ADGRD1: variants seen among roughly 807,000 people sequenced by gnomAD.
ADGRD1 encodes G-protein coupled receptor 133.
In ADGRD1, 77 loss-of-function variants were observed where a neutral mutation model predicts 113.4. The observed-to-expected ratio is 0.68, with a 90% CI of 0.57 to 0.82. The LOEUF (loss-of-function observed/expected upper bound fraction) is 0.82. Among genes scored for constraint, ADGRD1 ranks in the 40% least tolerant of loss-of-function variants. The probability of loss-of-function intolerance (pLI) is 0.00; values close to 1 mark genes in which losing one functional copy is unlikely to be tolerated. For missense variants in ADGRD1, 1,036 were observed against 1,139.1 expected (o/e 0.91, Z 1.30); for synonymous variants, 474 against 475.0 (o/e 1.00, Z 0.03).
Position 130,954,720 on chromosome 12 carries a change from C to A in ADGRD1, c.103+60C>A. 2 of 1,494,084 alleles carry A rather than the reference C, an allele frequency of 1.3e-6. No individual in the cohort carries two copies. The highest frequency in any genetic ancestry group is 1.9e-6 in the Non-Finnish European group (2 of 1,072,212). The allele number at this position is 1,494,084 out of a possible 1,614,324, so 92.6% of individuals were successfully genotyped here. On this transcript the variant is annotated intron_variant, in intron 2 of 24. Transcript: ENST00000261654. The surrounding 1 kb of genome is among the most constrained non-coding windows in gnomAD (Gnocchi z 4.7). ...CTCCCCCTGCCTAGTGCAGGTATCT[C>A]AGGAACAGCCCACTTGTTCATCTCT...
chr12:131,136,730 G>T (rs1205474142), intron 22 of ADGRD1, among the ~76,000 whole-genome samples: 1 of 152,246 alleles, frequency 6.6e-6, no homozygotes, highest in African/African-American at 2.4e-5. Flanking sequence ...GAACCCACCT[G>T]CTGCCGCACC....
chr12:131,109,010 G>A lies in ADGRD1; in HGVS notation c.2041+133G>A, dbSNP rs1950295058. On this transcript the variant is annotated intron_variant, in intron 18 of 24. Coordinates refer to ENST00000261654, the MANE Select transcript of ADGRD1 (RefSeq NM_198827.5). Reference sequence around the variant, plus strand: ...GGGCAGGTGGGGATGGGGGGAGGTGGGAATGGGGTTTGATCGGATGGGACA... The same window carrying A: ...GGGCAGGTGGGGATGGGGGGAGGTGAGAATGGGGTTTGATCGGATGGGACA... 6.7e-6 allele frequency: 3 copies of A among 446,402 alleles called. 1 individual carries two copies. The highest frequency in any genetic ancestry group is 2.0e-5 in the African/African-American group (1 of 50,022). 27.7% of individuals were successfully genotyped at this position (446,402 alleles called of 1,614,324 possible).
chr12:131,111,161 C>T (rs1386493783), intron 18 of ADGRD1, among the ~76,000 whole-genome samples: 7 of 151,986 alleles, frequency 4.6e-5, no homozygotes, highest in African/African-American at 1.2e-4. Context: ...GGCACCATCT[C>T]GGCTCACTGC....
chr12:131,127,019 G>A (rs1032107601), intron 20 of ADGRD1, among the ~76,000 whole-genome samples: 1 of 150,676 alleles, frequency 6.6e-6, no homozygotes, highest in Non-Finnish European at 1.5e-5. Flanking sequence ...GGAGGCCATG[G>A]TGAGCCGCTC....
In ADGRD1 at chr12:131,137,809, AGCCC is replaced by A. The variant is rs913837997; in HGVS notation, c.2437-319_2437-316del. The A allele has an allele frequency of 7.1e-5, 13 of 183,102 alleles. 1 individual carries two copies. In the South Asian group the frequency reaches 7.2e-4, roughly 10 times the overall value. 11.3% of individuals were successfully genotyped at this position (183,102 alleles called of 1,614,324 possible). ...GGCAGGAAGGCAGTGCAGCCATGGAAGCCCGCCCGCCCACCCGCCTGCCTGCCCA... is the reference window on the plus strand; with the variant it reads ...GGCAGGAAGGCAGTGCAGCCATGGAAGCCCGCCCACCCGCCTGCCTGCCCA... On this transcript the variant is annotated intron_variant, in intron 23 of 24. Coordinates refer to ENST00000261654, the MANE Select transcript of ADGRD1 (RefSeq NM_198827.5).
intron 8 of ADGRD1, among the ~76,000 whole-genome samples, chr12:130,999,970 AG>A (rs1399740164): frequency 6.6e-6 from 1 of 152,216 alleles, no homozygotes; most frequent in Non-Finnish European, 1.5e-5. Context: ...GGTCATTTTC[AG>A]TGAACACGAG....
chr12:131,040,453 G>A (rs575008569), intron 13 of ADGRD1, among the ~76,000 whole-genome samples: 1 of 152,274 alleles, frequency 6.6e-6, no homozygotes, highest in South Asian at 2.1e-4. Flanking sequence ...TCATGTGTTT[G>A]GTACACCCTT....
intron 20 of ADGRD1, 144 bp downstream of exon 20, chr12:131,121,057 C>T (rs923498998): frequency 5.7e-6 from 4 of 699,090 alleles, no homozygotes; most frequent in Admixed American, 5.5e-5. Context: ...CGCTAGGGCT[C>T]CTCTGGGCCA....
Position 131,041,408 on chromosome 12 carries a change from G to A in ADGRD1, c.1473+27068G>A, listed in dbSNP as rs1011566270. ...CTTTCCCTGTCCAGTGGAAAGCCTCGATGGGGAGCTGACCCAGCCACCTGA... is the reference window on the plus strand; with the variant it reads ...CTTTCCCTGTCCAGTGGAAAGCCTCAATGGGGAGCTGACCCAGCCACCTGA... On this transcript the variant is annotated intron_variant, in intron 13 of 24. Coordinates refer to ENST00000261654, the MANE Select transcript of ADGRD1 (RefSeq NM_198827.5). The surrounding 1 kb of genome is among the most constrained non-coding windows in gnomAD (Gnocchi z 4.4). Among the ~76,000 whole-genome samples the A allele has an allele frequency of 2.6e-5, 4 of 152,160 alleles. No individual in the cohort carries two copies. Among genetic ancestry groups the A allele is most frequent in the Admixed American group, 6.5e-5 (1 of 15,272 alleles).
Position 130,971,246 on chromosome 12 carries a change from G to GAC in ADGRD1, c.188-210_188-209dup, listed in dbSNP as rs151108348. On this transcript the variant is annotated intron_variant, in intron 3 of 24. Coordinates refer to ENST00000261654, the MANE Select transcript of ADGRD1 (RefSeq NM_198827.5). The surrounding 1 kb of genome is among the most constrained non-coding windows in gnomAD (Gnocchi z 4.2). ...ATCATTTAATATTAAATTTTTATCTGACATACACATTAATAATTTACAATT... is the reference window on the plus strand; with the variant it reads ...ATCATTTAATATTAAATTTTTATCTGACACATACACATTAATAATTTACAATT... The GAC allele has an allele frequency of 0.067, 16,300 of 243,706 alleles. 999 individuals are homozygous for GAC. The highest frequency in any genetic ancestry group is 0.19 in the African/African-American group (8,426 of 43,442). 15.1% of individuals were successfully genotyped at this position (243,706 alleles called of 1,614,324 possible).
intron 12 of ADGRD1, among the ~76,000 whole-genome samples, chr12:131,008,580 G>C (rs1186363899): frequency 6.6e-6 from 1 of 152,232 alleles, no homozygotes; most frequent in Non-Finnish European, 1.5e-5. Context: ...TGTGATGACG[G>C]AGGGGATGAT....
rs945360352 is a variant in ADGRD1, at chr12:130,987,419, T to C, written c.745+70T>C. The C allele has an allele frequency of 3.8e-6, 6 of 1,560,574 alleles. No individual in the cohort carries two copies. The African/African-American group carries it at 6.8e-5, about 18-fold the overall frequency. On this transcript the variant is annotated intron_variant, in intron 6 of 24. Coordinates refer to ENST00000261654, the MANE Select transcript of ADGRD1 (RefSeq NM_198827.5). ...AGGGTCACCCTGGTATCGGCCTCCT[T>C]TCTCCCCACTCTCCCGTTGCAGCTA...
chr12:131,036,710 T>G (rs1322932728), intron 13 of ADGRD1, among the ~76,000 whole-genome samples: 1 of 145,470 alleles, frequency 6.9e-6, no homozygotes, highest in African/African-American at 2.6e-5. Context: ...CGGGCCTCAC[T>G]CACCGCACCG....
intron 20 of ADGRD1, among the ~76,000 whole-genome samples, chr12:131,130,421 G>A (rs1950884144): frequency 1.3e-5 from 2 of 152,200 alleles, no homozygotes; most frequent in South Asian, 2.1e-4. Context: ...GCAGGAGGGG[G>A]CGGCCCCACC....
intron 15 of ADGRD1, among the ~76,000 whole-genome samples, chr12:131,085,358 G>A (rs1886385918): frequency 6.6e-6 from 1 of 152,200 alleles, no homozygotes; most frequent in Non-Finnish European, 1.5e-5. Context: ...CAGGACAAGG[G>A]GCAGGAAGGG....
At chr12:131,064,902 C>CATAG (rs1884596550) in intron 13 of ADGRD1, among the ~76,000 whole-genome samples, 1 of 152,278 alleles carries the variant, frequency 6.6e-6, no homozygotes, top group Admixed American at 6.5e-5. Context: ...TGCCTAGATG[C>CATAG]ATAGATGTGT....
chr12:131,058,347 G>C (rs998387260), intron 13 of ADGRD1, among the ~76,000 whole-genome samples: 2 of 152,122 alleles, frequency 1.3e-5, no homozygotes, highest in Non-Finnish European at 2.9e-5. Context: ...TCGGCTGCTT[G>C]GCCTAACAGA....
At chr12:131,098,127 T>C (rs1272912952) in intron 15 of ADGRD1, among the ~76,000 whole-genome samples, 1 of 151,040 alleles carries the variant, frequency 6.6e-6, no homozygotes, top group Admixed American at 6.6e-5. Context: ...TCTCCCACTG[T>C]CCTCCCGCGG....
intron 4 of ADGRD1, among the ~76,000 whole-genome samples, chr12:130,976,070 C>T (rs557455938): frequency 8.3e-4 from 126 of 152,340 alleles, no homozygotes; most frequent in African/African-American, 2.8e-3. Context: ...GGCCATTTCC[C>T]TCTTCTCAGC....
Sources: gnomAD v4.1 joint callset for allele counts (sites outside exome capture counted in the v4.1 genomes callset) on GRCh38, gnomAD v4.1.1 for gene constraint, Gnocchi (gnomAD v3.1) non-coding constraint, MANE v1.5 for transcripts, NCBI Gene and HGNC (gene_info 2026-07-23, HGNC 2026-07-21) for gene names.